ZNF454: variants seen among roughly 807,000 people sequenced by gnomAD.
ZNF454 encodes the protein zinc finger protein 454.
ZNF454 carries 30 observed loss-of-function variants against 48.2 expected under a neutral mutation model. That is an observed-to-expected ratio of 0.62 (90% CI 0.47 to 0.84). ZNF454 has a LOEUF of 0.84. Ranked by LOEUF, ZNF454 falls within the 40% of genes least tolerant of loss-of-function variation. The pLI is 0.00. For missense variants in ZNF454, 510 were observed against 623.1 expected, an observed-to-expected ratio of 0.82 and a Z score of 1.93; for synonymous variants, 204 against 211.4, an observed-to-expected ratio of 0.97 and a Z score of 0.30.
chr5:178,943,361 T>C (rs1270558945), intron 2 of ZNF454, among the ~76,000 whole-genome samples: 1 of 152,006 alleles, frequency 6.6e-6, no homozygotes, highest in Non-Finnish European at 1.5e-5. Flanking sequence ...CCTAGACTCT[T>C]AAACAACTGG....
chr5:178,951,136 G>T (rs1389874305), intron 4 of ZNF454, among the ~76,000 whole-genome samples: 1 of 152,054 alleles, frequency 6.6e-6, no homozygotes, highest in Non-Finnish European at 1.5e-5. Flanking sequence ...GGGATTACAG[G>T]CATGAGCCAC....
At chr5:178,984,581 C>A in the ZNF454 span, among the ~76,000 whole-genome samples, 1 of 152,092 alleles carries the variant, frequency 6.6e-6, no homozygotes, top group African/African-American at 2.4e-5. Context: ...TGGGGGTCCC[C>A]AACGGGGTCT....
At chr5:178,989,504 C>A in the ZNF454 span, 1 of 1,489,286 alleles carries the variant, frequency 6.7e-7, no homozygotes, top group African/African-American at 1.4e-5. Flanking sequence ...TAGGAGTGGC[C>A]AGGTGAGCTA....
chr5:178,960,287 C>T (rs1195311047), intron 4 of ZNF454, among the ~76,000 whole-genome samples: 10 of 128,782 alleles, frequency 7.8e-5, no homozygotes, highest in South Asian at 2.5e-4. Flanking sequence ...AACGTAGTTT[C>T]GCTCTTGTTG....
At chr5:178,958,800 C>T in intron 4 of ZNF454, among the ~76,000 whole-genome samples, 1 of 152,284 alleles carries the variant, frequency 6.6e-6, no homozygotes, top group Non-Finnish European at 1.5e-5. Flanking sequence ...AGTTGATCTT[C>T]TTACTTTTAG....
the ZNF454 span, chr5:178,986,937 G>A: frequency 1.5e-4 from 245 of 1,614,050 alleles, 3 homozygotes; most frequent in South Asian, 5.7e-4. Flanking sequence ...CGTACCGCCC[G>A]GGCGCATCTC....
At chr5:178,968,450 C>T (rs1372247974), downstream of ZNF454, among the ~76,000 whole-genome samples, 1 of 152,186 alleles carries the variant, frequency 6.6e-6, no homozygotes, top group Non-Finnish European at 1.5e-5. Context: ...AATCTAAATT[C>T]AGCCTTCATC....
intron 4 of ZNF454, among the ~76,000 whole-genome samples, chr5:178,955,155 C>T (rs1759697827): frequency 6.6e-6 from 1 of 152,148 alleles, no homozygotes; most frequent in Non-Finnish European, 1.5e-5. Flanking sequence ...TCAAAGCAAC[C>T]ATTCCATTCT....
intron 4 of ZNF454, among the ~76,000 whole-genome samples, chr5:178,957,117 C>T (rs1759799183): frequency 6.6e-6 from 1 of 151,974 alleles, no homozygotes; most frequent in Admixed American, 6.6e-5. Context: ...CTCTTGACCT[C>T]GTGATCCGCC....
At chr5:178,987,076 G>A in the ZNF454 span, 1 of 1,303,430 alleles carries the variant, frequency 7.7e-7, no homozygotes, top group Non-Finnish European at 1.1e-6. Context: ...GAAAGGAGGA[G>A]CTTAACAAGC....
At chr5:178,960,160 A>C (rs1759948852) in intron 4 of ZNF454, among the ~76,000 whole-genome samples, 1 of 151,368 alleles carries the variant, frequency 6.6e-6, no homozygotes, top group Non-Finnish European at 1.5e-5. Context: ...CATATTGCCC[A>C]GTCAGGTCTT....
chr5:178,987,939 T>C, the ZNF454 span, among the ~76,000 whole-genome samples: 3 of 147,848 alleles, frequency 2.0e-5, no homozygotes, highest in Non-Finnish European at 4.5e-5. Flanking sequence ...TTTGTATTTT[T>C]AGTAGAGATG....
At chr5:178,985,678 G>A in the ZNF454 span, 6 of 405,556 alleles carry the variant, frequency 1.5e-5, no homozygotes, top group East Asian at 1.5e-4. Context: ...ACTCCAGCCT[G>A]GGCGACACAG....
At chr5:178,959,773 T>C (rs1265852409) in intron 4 of ZNF454, among the ~76,000 whole-genome samples, 6 of 151,638 alleles carry the variant, frequency 4.0e-5, no homozygotes, top group African/African-American at 1.2e-4. Context: ...GCCTGGCTAA[T>C]TTTTTGTATT....
chr5:178,989,453 G>A, the ZNF454 span: 118 of 1,612,274 alleles, frequency 7.3e-5, no homozygotes, highest in Non-Finnish European at 9.4e-5. Flanking sequence ...TGAGCCAGCT[G>A]TGTTTCTCCT....
At chr5:178,962,302 A>G (rs900380450) in intron 4 of ZNF454, among the ~76,000 whole-genome samples, 1 of 151,166 alleles carries the variant, frequency 6.6e-6, no homozygotes, top group African/African-American at 2.4e-5. Context: ...TTTCAAGGTA[A>G]TCTTCAGTTT....
At chr5:178,986,766 A>T in the ZNF454 span, 1 of 1,609,810 alleles carries the variant, frequency 6.2e-7, no homozygotes, top group African/African-American at 1.3e-5. Context: ...GGGACGCACA[A>T]AACACAGGCT....
At chr5:178,986,894 C>T in the ZNF454 span, 10 of 1,614,088 alleles carry the variant, frequency 6.2e-6, no homozygotes, top group African/African-American at 1.3e-5. Context: ...CCACTGCTGG[C>T]ACTGCCATTG....
chr5:178,968,754 T>TCAGACA, downstream of ZNF454: 1 of 456,744 alleles, frequency 2.2e-6, no homozygotes. Flanking sequence ...AGCACGTTTC[T>TCAGACA]AAGCTGAGTT....
Sources: allele counts gnomAD v4.1 joint callset (sites outside exome capture counted in the v4.1 genomes callset), GRCh38; gene constraint gnomAD v4.1.1; transcripts MANE v1.5; gene names NCBI Gene and HGNC (gene_info 2026-07-23, HGNC 2026-07-21).